Variants in C1orf21 observed in about 807,000 individuals in gnomAD.
C1orf21 encodes the protein chromosome 1 open reading frame 21.
A neutral mutation model predicts 18.7 loss-of-function variants in C1orf21; 3 were observed. That is an observed-to-expected ratio of 0.16 (90% confidence interval 0.07 to 0.42). C1orf21 has a LOEUF of 0.42. C1orf21 is among the 10% of genes least tolerant of loss of function. C1orf21 has a pLI of 0.99. For synonymous variants in C1orf21, 41 were observed against 46.4 expected (o/e 0.88, Z 0.47); for missense variants, 104 against 143.6 (o/e 0.72, Z 1.41).
intron 2 of C1orf21, among the ~76,000 whole-genome samples, chr1:184,497,249 A>G (rs1197144511): frequency 3.3e-5 from 5 of 152,238 alleles, no homozygotes; most frequent in Non-Finnish European, 5.9e-5. Context: ...CCCACCATTA[A>G]GCTATCATGG....
At chr1:184,549,791 A>G (rs376518668) in intron 3 of C1orf21, among the ~76,000 whole-genome samples, 15 of 152,154 alleles carry the variant, frequency 9.9e-5, no homozygotes, top group East Asian at 5.8e-4. Flanking sequence ...TAATCTTCCT[A>G]TTTATTTTTA....
At chr1:184,465,758 T>C (rs184834045) in intron 1 of C1orf21, among the ~76,000 whole-genome samples, 10 of 152,310 alleles carry the variant, frequency 6.6e-5, no homozygotes, top group Middle Eastern at 3.4e-3. Context: ...TGTGATCAGA[T>C]CCTCAATTTA....
In C1orf21 at chr1:184,620,898, A is replaced by T. The variant is rs1241546358; in HGVS notation, c.*1342A>T. 6 of 152,592 alleles carry T rather than the reference A, an allele frequency of 3.9e-5. No homozygotes were observed. Among genetic ancestry groups the T allele is most frequent in the Non-Finnish European group, 8.8e-5 (6 of 68,028 alleles). The allele number at this position is 152,592 out of a possible 1,614,324, so 9.5% of individuals were successfully genotyped here. Reference sequence around the variant, plus strand: ...CTTTTGTATTTTTTTAATGTGTTTGATAGCTTTGACGAGGGTTCTCTTTGT... The same window carrying T: ...CTTTTGTATTTTTTTAATGTGTTTGTTAGCTTTGACGAGGGTTCTCTTTGT... On this transcript the variant is annotated 3_prime_UTR_variant, in exon 6 of 6. Transcript: ENST00000235307.
chr1:184,533,759 A>G (rs1429363193), intron 3 of C1orf21, among the ~76,000 whole-genome samples: 1 of 152,186 alleles, frequency 6.6e-6, no homozygotes, highest in Non-Finnish European at 1.5e-5. Flanking sequence ...GGAAAGGGTG[A>G]ATGGATGCCA....
chr1:184,500,247 GA>G (rs1657956150), intron 2 of C1orf21, among the ~76,000 whole-genome samples: 1 of 152,146 alleles, frequency 6.6e-6, no homozygotes, highest in African/African-American at 2.4e-5. Flanking sequence ...GTCAGAAGAT[GA>G]ATGTTCCAGG....
chr1:184,473,800 C>T (rs1289077745), intron 1 of C1orf21, among the ~76,000 whole-genome samples: 2 of 152,170 alleles, frequency 1.3e-5, no homozygotes, highest in African/African-American at 4.8e-5. Context: ...ATTTAAGCTG[C>T]AATAGCTGTA....
Position 184,402,730 on chromosome 1 carries a change from T to A in C1orf21, c.-125+15362T>A, listed in dbSNP as rs1656176060. ...TTCTGCATTTTCTGTTTTCCTCTAT[T>A]GGTCTGTCCCTTCATGTTCCAATAC... On this transcript the variant is annotated intron_variant, in intron 1 of 5. Transcript: ENST00000235307. 1.3e-5 allele frequency among the ~76,000 whole-genome samples: 2 copies of A among 152,182 alleles called. 1 individual carries two copies. The highest frequency in any genetic ancestry group is 4.1e-4 in the South Asian group (2 of 4,826).
intron 3 of C1orf21, among the ~76,000 whole-genome samples, chr1:184,543,447 C>G (rs1380287527): frequency 6.6e-6 from 1 of 152,154 alleles, no homozygotes; most frequent in Non-Finnish European, 1.5e-5. Flanking sequence ...GAGAAATCAG[C>G]TAGTTAGTTT....
intron 3 of C1orf21, among the ~76,000 whole-genome samples, chr1:184,574,132 G>A (rs534369265): frequency 1.3e-5 from 2 of 152,208 alleles, no homozygotes; most frequent in Non-Finnish European, 2.9e-5. Flanking sequence ...TTGAACTCAG[G>A]AGGTGGAGAT....
rs556109537 is a variant in C1orf21, at chr1:184,535,767, T to G, written c.189+28085T>G. On this transcript the variant is annotated intron_variant, in intron 3 of 5. Coordinates refer to ENST00000235307, the MANE Select transcript of C1orf21 (RefSeq NM_030806.4). ...ACGTTTGAAGGCTTACTGTTCCTAC[T>G]CAGAAGGAAGTATAAATACAGTACA... Among the ~76,000 whole-genome samples the G allele has an allele frequency of 4.6e-5, 7 of 152,314 alleles. No homozygotes were observed. The East Asian group carries it at 7.7e-4, about 17-fold the overall frequency.
At chr1:184,534,903 G>A (rs1240541618) in intron 3 of C1orf21, among the ~76,000 whole-genome samples, 1 of 152,066 alleles carries the variant, frequency 6.6e-6, no homozygotes, top group Non-Finnish European at 1.5e-5. Flanking sequence ...AGTTCAGAAG[G>A]GTGGGGTGAG....
intron 1 of C1orf21, among the ~76,000 whole-genome samples, chr1:184,406,734 T>G (rs1656254290): frequency 6.6e-6 from 1 of 152,178 alleles, no homozygotes. Context: ...GGTCCAAATT[T>G]GAATGGGTTT....
At chr1:184,598,347 G>A (rs1207883081) in intron 4 of C1orf21, 54 bp from the exon 5 acceptor site, 1 of 1,542,398 alleles carries the variant, frequency 6.5e-7, no homozygotes, top group African/African-American at 1.4e-5. Context: ...CCTTTGAGGG[G>A]ACCAGGTTTA....
intron 1 of C1orf21, among the ~76,000 whole-genome samples, chr1:184,415,613 T>A (rs1252773653): frequency 6.6e-6 from 1 of 152,008 alleles, no homozygotes; most frequent in African/African-American, 2.4e-5. Context: ...ATTAAAAAAA[T>A]GAAACAGAAG....
At chr1:184,390,149 C>T (rs1655948842) in intron 1 of C1orf21, among the ~76,000 whole-genome samples, 1 of 152,218 alleles carries the variant, frequency 6.6e-6, no homozygotes, top group Non-Finnish European at 1.5e-5. Context: ...CCTCCAGCTT[C>T]TTAGAACCAA....
At chr1:184,591,289 G>A (rs1659432676) in intron 4 of C1orf21, among the ~76,000 whole-genome samples, 1 of 152,158 alleles carries the variant, frequency 6.6e-6, no homozygotes, top group Non-Finnish European at 1.5e-5. Context: ...GTGGTTTGGT[G>A]TAACAGAACA....
At chr1:184,494,899 A>G (rs1166223492) in intron 2 of C1orf21, among the ~76,000 whole-genome samples, 1 of 150,916 alleles carries the variant, frequency 6.6e-6, no homozygotes, top group Non-Finnish European at 1.5e-5. Context: ...TAGCTGGGAT[A>G]AAAAGAACAT....
At chr1:184,577,419 C>T (rs760747232) in intron 3 of C1orf21, among the ~76,000 whole-genome samples, 62 of 152,040 alleles carry the variant, frequency 4.1e-4, no homozygotes, top group Non-Finnish European at 5.3e-4. Context: ...AGAAGTGTCA[C>T]GTCATAAATC....
chr1:184,479,774 C>G (rs1199665345), intron 2 of C1orf21, among the ~76,000 whole-genome samples: 1 of 151,796 alleles, frequency 6.6e-6, no homozygotes, highest in Non-Finnish European at 1.5e-5. Context: ...GGCACGTGCG[C>G]TCACACCTGG....
Sources: allele counts gnomAD v4.1 joint callset (sites outside exome capture counted in the v4.1 genomes callset), GRCh38; gene constraint gnomAD v4.1.1; transcripts MANE v1.5; gene names NCBI Gene and HGNC (gene_info 2026-07-23, HGNC 2026-07-21).